The following PPIL4 variants were observed in gnomAD, a reference collection of about 807,000 sequenced individuals.
The protein encoded by PPIL4 is peptidyl-prolyl cis-trans isomerase-like 4.
PPIL4 carries 50 observed loss-of-function variants against 69.1 expected under a neutral mutation model. That is an observed-to-expected ratio of 0.72 (90% CI 0.58 to 0.92). PPIL4 has a LOEUF of 0.92. Ranked by LOEUF, PPIL4 falls within the 40% of genes least tolerant of loss-of-function variation. The pLI is 0.00. For missense variants in PPIL4, 480 were observed against 587.9 expected (o/e 0.82, Z 1.90); for synonymous variants, 193 against 191.6 (o/e 1.01, Z -0.06).
intron 7 of PPIL4, among the ~76,000 whole-genome samples, chr6:149,527,548 T>C (rs1777126108): frequency 1.3e-5 from 2 of 152,194 alleles, no homozygotes; most frequent in African/African-American, 4.8e-5. Flanking sequence ...AGAATTTATG[T>C]AAAGTACATG....
chr6:149,512,476 A>AGG (rs1776868073), intron 11 of PPIL4, among the ~76,000 whole-genome samples, 174 bp from the exon 12 acceptor site: 3 of 152,216 alleles, frequency 2.0e-5, no homozygotes, highest in Non-Finnish European at 4.4e-5. Flanking sequence ...TTATATAGTC[A>AGG]GGAGAAATGG....
At chr6:149,511,152 C>T (rs1776835297) in intron 12 of PPIL4, among the ~76,000 whole-genome samples, 1 of 151,894 alleles carries the variant, frequency 6.6e-6, no homozygotes, top group African/African-American at 2.4e-5. Flanking sequence ...CCTCAGCCCA[C>T]TGAAATCCTT....
chr6:149,521,059 C>A lies in PPIL4; in HGVS notation c.982+1G>T. 6.8e-7 allele frequency: 1 copy of A among 1,472,584 alleles called. No homozygotes were observed. The highest frequency in any genetic ancestry group is 9.4e-7 in the Non-Finnish European group (1 of 1,061,126). 91.2% of individuals were successfully genotyped at this position (1,472,584 alleles called of 1,614,324 possible). On this transcript the variant is annotated splice_donor_variant, in intron 10 of 12. Transcript: ENST00000253329. LOFTEE classifies it high-confidence loss of function. ...CAAAAACAAAAGATAAACCATCATA[C>A]CTTTTCCTTTCCATTTAACCTTTGC...
intron 9 of PPIL4, among the ~76,000 whole-genome samples, chr6:149,522,524 A>C (rs986957515): frequency 1.3e-5 from 2 of 152,254 alleles, no homozygotes. Flanking sequence ...ATTTATAACA[A>C]AAGTGGTACT....
At position 149,535,755 on chromosome 6, in the gene PPIL4, A is replaced by G; in HGVS notation, c.322-17T>C. ...GATAAGAAACTATAAAGAAGGACAC[A>G]TAATAAATACCATAAAAATAATACA... On this transcript the variant is annotated splice_polypyrimidine_tract_variant and intron_variant, in intron 4 of 12. Transcript: ENST00000253329. 13 of 1,541,838 alleles carry G rather than the reference A, an allele frequency of 8.4e-6. No individual in the cohort carries two copies. Among genetic ancestry groups the G allele is most frequent in the Non-Finnish European group, 1.2e-5 (13 of 1,127,116 alleles).
Position 149,545,993 on chromosome 6 carries a change from G to T in PPIL4, c.13C>A (p.Leu5Met). The stretch of plus-strand genomic sequence containing the variant: ...ACGACGTCGCCTAAAGTGGTCTCCA[G>T]TAGAACCGCCATGGCGCCCGCTCCT... MAVL[L>M]ETTLGDVVID... Residue 5 changes from leucine to methionine, a missense_variant, in exon 1 of 13, where the codon CTG becomes ATG. Transcript: ENST00000253329. 6.3e-7 allele frequency: 1 copy of T among 1,582,546 alleles called. No individual in the cohort carries two copies. Among genetic ancestry groups the T allele is most frequent in the Non-Finnish European group, 8.6e-7 (1 of 1,161,546 alleles).
Position 149,541,394 on chromosome 6 carries a change from G to A in PPIL4, c.176C>T (p.Thr59Ile). The change falls in exon 3 of 13, where the codon ACT becomes ATT. Residue 59 changes from threonine to isoleucine, a missense_variant. Thr to Ile is a moderately conservative substitution (Grantham distance 89, BLOSUM62 -1). Transcript: ENST00000253329. The part of the protein sequence containing the change: ...FIIQTGDPTG[T>I]GRGGESIFGQ... ...AAAGATAGACTCTCCTCCACGGCCA[G>A]TCCCTGTAGGATCGCCAGTTTGTAT... The A allele has an allele frequency of 6.5e-7, 1 of 1,532,928 alleles. No homozygotes were observed. Among genetic ancestry groups the A allele is most frequent in the Non-Finnish European group, 8.9e-7 (1 of 1,128,770 alleles). 95.0% of individuals were successfully genotyped at this position (1,532,928 alleles called of 1,614,324 possible).
At chr6:149,520,579 GTGCA>G (rs1294243913) in intron 10 of PPIL4, among the ~76,000 whole-genome samples, 6 of 137,380 alleles carry the variant, frequency 4.4e-5, no homozygotes, top group Admixed American at 1.6e-4. Flanking sequence ...ATGCATGTGT[GTGCA>G]CACACACACA....
chr6:149,545,327 C>A (rs1777422669), intron 1 of PPIL4, among the ~76,000 whole-genome samples: 1 of 152,196 alleles, frequency 6.6e-6, no homozygotes. Flanking sequence ...TGGCAACTTA[C>A]ACATTCTTCT....
chr6:149,528,250 A>T (rs1583209134), intron 7 of PPIL4, among the ~76,000 whole-genome samples: 1 of 152,174 alleles, frequency 6.6e-6, no homozygotes, highest in Non-Finnish European at 1.5e-5. Context: ...CCCTGCCTCT[A>T]AAAAACAAAA....
At chr6:149,513,014 T>A (rs1776879461) in intron 11 of PPIL4, among the ~76,000 whole-genome samples, 3 of 149,772 alleles carry the variant, frequency 2.0e-5, no homozygotes, top group Non-Finnish European at 3.0e-5. Context: ...AGTGCTGGGA[T>A]TACAGGTGTG....
rs184385472 is a variant in PPIL4 at position 149,508,714 on chromosome 6, C to G, written c.1228-3010G>C. 9.9e-5 allele frequency among the ~76,000 whole-genome samples: 15 copies of G among 152,134 alleles called. No individual in the cohort carries two copies. The South Asian group carries it at 1.0e-3, about 11-fold the overall frequency. Reference sequence around the variant, plus strand: ...CAGCAAGGCAACCCCCAGCTGAATACGCATTTCCTGTAACCCCAGTAAAAC... The same window carrying G: ...CAGCAAGGCAACCCCCAGCTGAATAGGCATTTCCTGTAACCCCAGTAAAAC... On this transcript the variant is annotated intron_variant, in intron 12 of 12. Transcript: ENST00000253329.
intron 3 of PPIL4, 92 bp from the exon 4 acceptor site, chr6:149,541,151 C>G (rs1583213494): frequency 1.5e-6 from 1 of 660,982 alleles, no homozygotes. Context: ...TATTTCTTTA[C>G]AGAAATGCCA....
At chr6:149,539,243 G>A (rs1435973678) in intron 4 of PPIL4, among the ~76,000 whole-genome samples, 1 of 152,212 alleles carries the variant, frequency 6.6e-6, no homozygotes, top group Non-Finnish European at 1.5e-5. Context: ...AAACTTGGCT[G>A]ATACAGTAGT....
chr6:149,526,408 T>C (rs949559130), intron 8 of PPIL4, among the ~76,000 whole-genome samples: 1 of 152,210 alleles, frequency 6.6e-6, no homozygotes, highest in African/African-American at 2.4e-5. Flanking sequence ...TTTCCTGTTT[T>C]AGGGTGAAAA....
At chr6:149,526,320 T>C (rs1777106459) in intron 8 of PPIL4, among the ~76,000 whole-genome samples, 1 of 152,088 alleles carries the variant, frequency 6.6e-6, no homozygotes, top group South Asian at 2.1e-4. Context: ...ATTCCAGGAG[T>C]TGAATGAGAT....
intron 4 of PPIL4, among the ~76,000 whole-genome samples, chr6:149,538,379 T>C (rs1777310627): frequency 6.6e-6 from 1 of 151,856 alleles, no homozygotes; most frequent in Non-Finnish European, 1.5e-5. Flanking sequence ...CAGCCTGACA[T>C]GTGGCATGCA....
At chr6:149,542,683 T>G (rs1311232495) in intron 1 of PPIL4, among the ~76,000 whole-genome samples, 4 of 152,112 alleles carry the variant, frequency 2.6e-5, no homozygotes, top group Non-Finnish European at 4.4e-5. Flanking sequence ...TCCACAAGAG[T>G]TCAAAAGATT....
chr6:149,512,280 CTAATAT>C lies in PPIL4; in HGVS notation c.1096_1101del (p.Ile366_Leu367del), dbSNP rs535267469. 6.8e-4 allele frequency: 1,089 copies of C among 1,612,478 alleles called. No homozygotes were observed. The highest frequency in any genetic ancestry group is 8.1e-4 in the Non-Finnish European group (950 of 1,178,954). ...GATTTTGAGTCTTCGGCCTGCTCAT[CTAATAT>C]AAGATCGTATTTTGTACTGCAGTAG... On this transcript the variant is annotated inframe_deletion, in exon 12 of 13. Transcript: ENST00000253329.
Sources: gnomAD v4.1 joint callset for allele counts (sites outside exome capture counted in the v4.1 genomes callset) on GRCh38, gnomAD v4.1.1 for gene constraint, MANE v1.5 for transcripts, NCBI Gene and HGNC (gene_info 2026-07-23, HGNC 2026-07-21) for gene names.